CCT7: variants seen among roughly 807,000 people sequenced by gnomAD.
CCT7 encodes the protein chaperonin containing TCP1 subunit 7, also known as T-complex protein 1 subunit eta.
Under a neutral mutation model 56.6 loss-of-function variants are expected in CCT7, and 16 were observed. The ratio of observed to expected loss-of-function variants is 0.28; its 90% CI spans 0.19 to 0.43. The LOEUF (loss-of-function observed/expected upper bound fraction) is 0.43, where lower values mean the gene tolerates loss of function less well. CCT7 is among the 20% of genes least tolerant of loss of function. The probability of loss-of-function intolerance (pLI) is 1.00; values close to 1 mark genes in which losing one functional copy is unlikely to be tolerated. For synonymous variants in CCT7, 262 were observed against 254.8 expected (o/e 1.03, Z -0.27); for missense variants, 519 against 685.6 (o/e 0.76, Z 2.71).
At chr2:73,243,851 A>G in intron 4 of CCT7, 146 bp from the exon 5 acceptor site, 1 of 696,704 alleles carries the variant, frequency 1.4e-6, no homozygotes. Context: ...CTGAGCAGTT[A>G]CAAGACCTAG....
chr2:73,252,172 C>T (rs1034836565), intron 11 of CCT7, among the ~76,000 whole-genome samples: 1 of 152,046 alleles, frequency 6.6e-6, no homozygotes, highest in African/African-American at 2.4e-5. Flanking sequence ...GTGAATGACC[C>T]TGCTTCTGGC....
Position 73,250,326 on chromosome 2 carries a change from G to A in CCT7, c.1091G>A (p.Cys364Tyr). The A allele has an allele frequency of 1.2e-6, 2 of 1,614,094 alleles. No individual in the cohort carries two copies. Among genetic ancestry groups the A allele is most frequent in the Non-Finnish European group, 8.5e-7 (1 of 1,180,014 alleles). The change falls in exon 10 of 12, where the codon TGC becomes TAC. Residue 364 changes from cysteine to tyrosine, a missense_variant. Coordinates refer to ENST00000258091, the MANE Select transcript of CCT7 (RefSeq NM_006429.4). ...CATAGGTACAATTTTTTTACTGGCTGCCCCAAGGCCAAGACATGCACCTTC... is the reference window on the plus strand; with the variant it reads ...CATAGGTACAATTTTTTTACTGGCTACCCCAAGGCCAAGACATGCACCTTC... Reference protein sequence around the residue: ...GGERYNFFTGCPKAKTCTFIL... With the variant: ...GGERYNFFTGYPKAKTCTFIL...
rs749356116 is a variant in CCT7 at position 73,252,718 on chromosome 2, A to G, written c.1489A>G (p.Met497Val). 86 of 1,614,042 alleles carry G rather than the reference A, an allele frequency of 5.3e-5. No individual in the cohort carries two copies. Among genetic ancestry groups the G allele is most frequent in the Non-Finnish European group, 6.9e-5 (82 of 1,180,030 alleles). The change falls in exon 12 of 12, where the codon ATG becomes GTG. Residue 497 changes from methionine (M) to valine (V), a missense_variant. Met to Val is a conservative substitution (Grantham distance 21). Around this residue, in one of 3 missense-constraint regions of CCT7, gnomAD observed 237 missense variants for 300.8 expected, o/e 0.79. Transcript: ENST00000258091. ...TGAAGCTTTCGTGTGGGAGCCAGCT[A>G]TGGTGCGGATCAATGCGCTGACAGC... ...NFEAFVWEPA[M>V]VRINALTAAS...
intron 9 of CCT7, 132 bp from the exon 10 acceptor site, chr2:73,250,174 G>T: frequency 9.0e-7 from 1 of 1,109,374 alleles, no homozygotes; most frequent in Non-Finnish European, 1.3e-6. Flanking sequence ...TGTCTATAAG[G>T]TTGGGATTGG....
In CCT7 at chr2:73,243,027, G is replaced by T; in HGVS notation, c.291G>T (p.Val97=). ...DAEVGDGTTS[V]TLLAAEFLKQ... ...AGGTGGGTGATGGCACCACCTCAGT[G>T]ACCTTGCTGGCTGCAGAGTTTCTGA... is the stretch of plus-strand genomic sequence containing the variant. Residue 97 remains valine (V), a synonymous_variant, in exon 4 of 12, where the codon GTG becomes GTT. Transcript: ENST00000258091. 1 of 1,613,968 alleles carries T rather than the reference G, an allele frequency of 6.2e-7. No homozygotes were observed. The highest frequency in any genetic ancestry group is 8.5e-7 in the Non-Finnish European group (1 of 1,179,890).
intron 6 of CCT7, among the ~76,000 whole-genome samples, chr2:73,247,288 G>T (rs1426867864): frequency 6.6e-6 from 1 of 152,200 alleles, no homozygotes; most frequent in African/African-American, 2.4e-5. Context: ...GGGGTGGAGG[G>T]TGCAGTGCAA....
At chr2:73,242,854 A>G (rs896678641) in intron 3 of CCT7, 150 bp from the exon 4 acceptor site, 1 of 847,974 alleles carries the variant, frequency 1.2e-6, no homozygotes, top group Non-Finnish European at 1.9e-6. Context: ...GCTTCTTTCT[A>G]CTTATTGCAA....
chr2:73,247,577 TTAA>T (rs1558567967), intron 6 of CCT7, among the ~76,000 whole-genome samples, 182 bp from the exon 7 acceptor site: 1 of 143,574 alleles, frequency 7.0e-6, no homozygotes. Flanking sequence ...GTTGTGTTAT[TTAA>T]AAAAAAAAAA....
At chr2:73,240,375 A>G in intron 2 of CCT7, 62 bp from the exon 3 acceptor site, 1 of 1,235,990 alleles carries the variant, frequency 8.1e-7, no homozygotes, top group Non-Finnish European at 1.2e-6. Flanking sequence ...GATGGGTTCT[A>G]GGTCCCACTT....
In CCT7 at chr2:73,250,439, G is replaced by C. The variant is rs758116538; in HGVS notation, c.1203+1G>C. The C allele has an allele frequency of 6.2e-7, 1 of 1,613,778 alleles. No homozygotes were observed. The highest frequency in any genetic ancestry group is 1.1e-5 in the South Asian group (1 of 91,054). ...CATGATCGTCAGGAGGGCCATCAAG[G>C]TACTGGGCTGATATCCTCCTGCTTG... On this transcript the variant is annotated splice_donor_variant, in intron 10 of 11. Coordinates refer to ENST00000258091, the MANE Select transcript of CCT7 (RefSeq NM_006429.4). LOFTEE classifies it high-confidence loss of function.
intron 1 of CCT7, among the ~76,000 whole-genome samples, chr2:73,235,268 G>A (rs1686827291): frequency 2.0e-5 from 3 of 152,092 alleles, no homozygotes; most frequent in Admixed American, 2.0e-4. Flanking sequence ...CCCAAGCCTC[G>A]ATGGTATCTC....
At chr2:73,245,818 G>A (rs1466006151) in intron 6 of CCT7, among the ~76,000 whole-genome samples, 1 of 152,154 alleles carries the variant, frequency 6.6e-6, no homozygotes, top group African/African-American at 2.4e-5. Context: ...GAGATTCTCT[G>A]TATGTAATAA....
chr2:73,244,802 A>T, intron 6 of CCT7, 87 bp downstream of exon 6: 1 of 991,992 alleles, frequency 1.0e-6, no homozygotes, highest in Non-Finnish European at 1.4e-6. Flanking sequence ...TACTCATTAC[A>T]GGAATAAAGA....
At position 73,249,788 on chromosome 2, in the gene CCT7, A is replaced by G. The variant is rs566678604; in HGVS notation, c.973-31A>G. On this transcript the variant is annotated intron_variant, in intron 8 of 11. Coordinates refer to ENST00000258091, the MANE Select transcript of CCT7 (RefSeq NM_006429.4). ...AAGCTGCCTGGCCTCGGGAACCTTCACTGCTAGATCTTGCCTTCCTTGCTC... is the reference window on the plus strand; with the variant it reads ...AAGCTGCCTGGCCTCGGGAACCTTCGCTGCTAGATCTTGCCTTCCTTGCTC... 23 of 1,505,976 alleles carry G rather than the reference A, an allele frequency of 1.5e-5. No homozygotes were observed. In the African/African-American group the frequency reaches 1.9e-4, roughly 13 times the overall value. The allele number at this position is 1,505,976 out of a possible 1,614,324, so 93.3% of individuals were successfully genotyped here. A position where few individuals can be genotyped will look rare whatever the true frequency, so the allele number is the denominator to read the frequency against.
Position 73,251,252 on chromosome 2 carries a change from G to A in CCT7, c.1230G>A (p.Gly410=). ...ATGATTCAGTGGTGGCTGGTGGCGG[G>A]GCCATTGAGATGGAACTCTCCAAGT... ...IKNDSVVAGG[G]AIEMELSKYL... is the part of the protein sequence containing the mutation. The change falls in exon 11 of 12, where the codon GGG becomes GGA. Residue 410 remains glycine, a synonymous_variant. Transcript: ENST00000258091. 1 of 1,614,148 alleles carries A rather than the reference G, an allele frequency of 6.2e-7. No homozygotes were observed.
chr2:73,243,789 C>T, intron 4 of CCT7: 1 of 587,984 alleles, frequency 1.7e-6, no homozygotes, highest in Non-Finnish European at 3.0e-6. Flanking sequence ...ACTGTATACC[C>T]ACTCTGCATT....
chr2:73,237,998 G>A (rs1323969610), intron 1 of CCT7, among the ~76,000 whole-genome samples: 1 of 152,054 alleles, frequency 6.6e-6, no homozygotes, highest in South Asian at 2.1e-4. Flanking sequence ...CTCCAGCATG[G>A]GTGGTGGAGC....
chr2:73,246,579 T>TA (rs1687347657), intron 6 of CCT7, among the ~76,000 whole-genome samples: 1 of 152,228 alleles, frequency 6.6e-6, no homozygotes, highest in South Asian at 2.1e-4. Context: ...AGCCTTCTGA[T>TA]ATCTACATTC....
rs867274129 is a variant in CCT7, at chr2:73,244,021, G to T, written c.418G>T (p.Ala140Ser). 1.9e-6 allele frequency: 3 copies of T among 1,613,214 alleles called. No individual in the cohort carries two copies. The highest frequency in any genetic ancestry group is 1.7e-4 in the Middle Eastern group (1 of 6,056). ...GGCAGTTAACAAGATCAAAGAGATTGCTGTGACCGTGAAGAAGGCAGATAA... is the reference window on the plus strand; with the variant it reads ...GGCAGTTAACAAGATCAAAGAGATTTCTGTGACCGTGAAGAAGGCAGATAA... ...QLAVNKIKEI[A>S]VTVKKADKVE... Residue 140 changes from alanine to serine, a missense_variant, in exon 5 of 12, where the codon GCT becomes TCT. Ala to Ser is a moderately conservative substitution (Grantham distance 99). Around this residue, in one of 3 missense-constraint regions of CCT7, gnomAD observed 276 missense variants for 357.3 expected, o/e 0.77. Transcript: ENST00000258091.
Sources: gnomAD v4.1 joint callset for allele counts (sites outside exome capture counted in the v4.1 genomes callset) on GRCh38, gnomAD v4.1.1 for gene constraint, gnomAD v4.1.1 regional missense constraint, MANE v1.5 for transcripts, NCBI Gene and HGNC (gene_info 2026-07-23, HGNC 2026-07-21) for gene names.